Variants in MOV10L1 observed in about 807,000 individuals in gnomAD.
MOV10L1 encodes the protein Mov10 like RNA helicase 1, also known as RNA helicase Mov10l1.
In MOV10L1, 110 loss-of-function variants were observed where a neutral mutation model predicts 143.8. That is an observed-to-expected ratio of 0.76 (90% CI 0.66 to 0.90). The LOEUF (loss-of-function observed/expected upper bound fraction) is 0.90. Among genes scored for constraint, MOV10L1 ranks in the 40% least tolerant of loss-of-function variants. The pLI is 0.00. For missense variants in MOV10L1, 1,406 were observed against 1,526.8 expected (o/e 0.92, Z 1.32); for synonymous variants, 593 against 581.1 (o/e 1.02, Z -0.29).
chr22:50,128,928 A>T (rs947731083), intron 13 of MOV10L1, among the ~76,000 whole-genome samples: 1 of 151,598 alleles, frequency 6.6e-6, no homozygotes, highest in Admixed American at 6.6e-5. Flanking sequence ...CAGCCTCCCA[A>T]AGTTTTGGGA....
intron 3 of MOV10L1, among the ~76,000 whole-genome samples, chr22:50,102,509 G>A (rs542076780): frequency 7.8e-4 from 119 of 152,280 alleles, no homozygotes; most frequent in African/African-American, 2.7e-3. Context: ...CCTTCTTGAC[G>A]TTAATTCAAC....
In MOV10L1 at chr22:50,114,371, A is replaced by C. The variant is rs968949757; in HGVS notation, c.885-10A>C. 2 of 1,611,186 alleles carry C rather than the reference A, an allele frequency of 1.2e-6. No individual in the cohort carries two copies. The highest frequency in any genetic ancestry group is 2.7e-5 in the African/African-American group (2 of 74,764). ...CCTGGCTGTGTTCATAGTTAATTGTATTTTTCCAGGAATAAAGGAGACATT... is the reference window on the plus strand; with the variant it reads ...CCTGGCTGTGTTCATAGTTAATTGTCTTTTTCCAGGAATAAAGGAGACATT... On this transcript the variant is annotated splice_polypyrimidine_tract_variant and intron_variant, in intron 6 of 26. Transcript: ENST00000262794.
chr22:50,145,551 A>G (rs2063130017), intron 18 of MOV10L1, 138 bp from the exon 19 acceptor site: 1 of 1,055,682 alleles, frequency 9.5e-7, no homozygotes, highest in African/African-American at 1.6e-5. Flanking sequence ...TTGATAAGGA[A>G]GTATGAGATA....
At chr22:50,090,236 G>A (rs1214096748) in intron 1 of MOV10L1, 51 bp downstream of exon 1, 23 of 1,404,848 alleles carry the variant, frequency 1.6e-5, no homozygotes, top group Non-Finnish European at 2.1e-5. Flanking sequence ...TCGCGTGTCG[G>A]CCACGAGGGA....
At chr22:50,096,668 A>G (rs569128855) in intron 2 of MOV10L1, among the ~76,000 whole-genome samples, 1 of 152,134 alleles carries the variant, frequency 6.6e-6, no homozygotes, top group Admixed American at 6.6e-5. Flanking sequence ...TTCTTTTGAC[A>G]GTAGCTATTC....
In MOV10L1 at chr22:50,117,307, G is replaced by A. The variant is rs778485550; in HGVS notation, c.1410G>A (p.Ala470=). Reference sequence around the variant, plus strand: ...GGAAAAAGCTTAAAAGTTCACAAGCGTTAACATCCGCAAAAACTACAGTTG... The same window carrying A: ...GGAAAAAGCTTAAAAGTTCACAAGCATTAACATCCGCAAAAACTACAGTTG... ...FSWKKLKSSQ[A]LTSAKTTVVV... is the part of the protein sequence containing the mutation. The change falls in exon 9 of 27, where the codon GCG becomes GCA. Residue 470 remains alanine, a synonymous_variant. Coordinates refer to ENST00000262794, the MANE Select transcript of MOV10L1 (RefSeq NM_018995.3). 11 of 1,613,946 alleles carry A rather than the reference G, an allele frequency of 6.8e-6. No homozygotes were observed. The African/African-American group carries it at 8.0e-5, about 12-fold the overall frequency.
At chr22:50,128,902 A>G (rs953768704) in intron 13 of MOV10L1, among the ~76,000 whole-genome samples, 4 of 151,690 alleles carry the variant, frequency 2.6e-5, no homozygotes, top group Non-Finnish European at 1.5e-5. Context: ...CCTAGGCTCA[A>G]GCGATCCTCC....
intron 15 of MOV10L1, among the ~76,000 whole-genome samples, chr22:50,138,533 G>C (rs560989001): frequency 3.2e-4 from 48 of 151,202 alleles, no homozygotes; most frequent in African/African-American, 1.1e-3. Flanking sequence ...ACTCCAGCCT[G>C]AGTGATGAAG....
chr22:50,149,394 C>CT lies in MOV10L1; in HGVS notation c.2628-220dup, dbSNP rs1443575168. The CT allele has an allele frequency of 5.4e-6, 3 of 555,046 alleles. No individual in the cohort carries two copies. The African/African-American group carries it at 5.7e-5, about 10-fold the overall frequency. The allele number at this position is 555,046 out of a possible 1,614,324, so 34.4% of individuals were successfully genotyped here. ...CTCCACATCTCTAGAAATACAGACG[C>CT]TGCGTGCAAAGCACTGGGTGCTGAT... On this transcript the variant is annotated intron_variant, in intron 19 of 26. Coordinates refer to ENST00000262794, the MANE Select transcript of MOV10L1 (RefSeq NM_018995.3).
At position 50,114,483 on chromosome 22, in the gene MOV10L1, C is replaced by T; in HGVS notation, c.987C>T (p.Cys329=). 1.2e-6 allele frequency: 2 copies of T among 1,614,170 alleles called. No homozygotes were observed. Among genetic ancestry groups the T allele is most frequent in the South Asian group, 1.1e-5 (1 of 91,080 alleles). The change falls in exon 7 of 27, where the codon TGC becomes TGT. Residue 329 remains cysteine (C), a synonymous_variant. Transcript: ENST00000262794. ...RFQMLDKDQM[C]PVVSFVSVPE... ...AAATGCTGGATAAAGACCAGATGTG[C>T]CCCGTGGTATCTTTTGTTTCTGTTC...
chr22:50,115,265 G>A lies in MOV10L1; in HGVS notation c.1259+19G>A. On this transcript the variant is annotated intron_variant, in intron 8 of 26. Transcript: ENST00000262794. The stretch of plus-strand genomic sequence containing the variant: ...ACGGAAAGTAAGGGCCTGGAGGTCT[G>A]GGGAGAGCCGCGTTTTTAAGTTTCT... 6.7e-7 allele frequency: 1 copy of A among 1,481,656 alleles called. No individual in the cohort carries two copies. The highest frequency in any genetic ancestry group is 1.5e-5 in the African/African-American group (1 of 67,872). The allele number at this position is 1,481,656 out of a possible 1,614,324, so 91.8% of individuals were successfully genotyped here.
chr22:50,160,463 C>T (rs1233737814), intron 24 of MOV10L1, among the ~76,000 whole-genome samples: 1 of 151,732 alleles, frequency 6.6e-6, no homozygotes, highest in Non-Finnish European at 1.5e-5. Flanking sequence ...CCATGTTAGC[C>T]AAGATGGTCT....
At chr22:50,090,365 A>T in intron 1 of MOV10L1, 180 bp downstream of exon 1, 2 of 1,528,250 alleles carry the variant, frequency 1.3e-6, no homozygotes, top group East Asian at 2.4e-5. Flanking sequence ...ACCCCACAGC[A>T]TCCCGCCGCT....
intron 20 of MOV10L1, among the ~76,000 whole-genome samples, chr22:50,150,373 G>A (rs1290806507): frequency 6.6e-6 from 1 of 152,220 alleles, no homozygotes; most frequent in Non-Finnish European, 1.5e-5. Context: ...AGGCAACCAT[G>A]GGCAAGAGGC....
At position 50,150,892 on chromosome 22, in the gene MOV10L1, C is replaced by T; in HGVS notation, c.2885C>T (p.Pro962Leu). The change falls in exon 21 of 27, where the codon CCC (proline) becomes CTC (leucine). Residue 962 changes from proline to leucine, a missense_variant. Pro to Leu is a moderately conservative substitution (Grantham distance 98, BLOSUM62 -3). Coordinates refer to ENST00000262794, the MANE Select transcript of MOV10L1 (RefSeq NM_018995.3). ...TTCGGTGCTTGTGGCGCACATAATC[C>T]CCTGTTGGTGAGTCACAGACTCCAG... is the stretch of plus-strand genomic sequence containing the variant. The part of the protein sequence containing the change: ...NAFGACGAHN[P>L]LLVTKLVKNY... 6 of 1,614,150 alleles carry T rather than the reference C, an allele frequency of 3.7e-6. No individual in the cohort carries two copies. Among genetic ancestry groups the T allele is most frequent in the South Asian group, 1.1e-5 (1 of 91,086 alleles).
intron 4 of MOV10L1, 157 bp from the exon 5 acceptor site, chr22:50,108,500 G>C: frequency 1.2e-6 from 1 of 800,988 alleles, no homozygotes; most frequent in East Asian, 2.6e-5. Context: ...TAAGGAGAAA[G>C]GTGTGTTGGA....
intron 20 of MOV10L1, among the ~76,000 whole-genome samples, chr22:50,150,020 G>A (rs1469666901): frequency 2.6e-5 from 4 of 152,224 alleles, no homozygotes. Flanking sequence ...CTGGAGGGGC[G>A]GACAGGGCCA....
intron 2 of MOV10L1, among the ~76,000 whole-genome samples, chr22:50,098,480 C>T (rs954176059): frequency 6.6e-6 from 1 of 152,152 alleles, no homozygotes. Context: ...CCTAACAGTG[C>T]TGTTATAAAT....
At chr22:50,101,058 T>A (rs1226303257) in intron 3 of MOV10L1, among the ~76,000 whole-genome samples, 1 of 152,104 alleles carries the variant, frequency 6.6e-6, no homozygotes, top group Non-Finnish European at 1.5e-5. Flanking sequence ...AAGTGGCTTC[T>A]GAGCTGAAGT....
Sources: allele counts gnomAD v4.1 joint callset (sites outside exome capture counted in the v4.1 genomes callset), GRCh38; gene constraint gnomAD v4.1.1; transcripts MANE v1.5; gene names NCBI Gene and HGNC (gene_info 2026-07-23, HGNC 2026-07-21).